Variants in TMPRSS11D observed in about 807,000 individuals in gnomAD.
The protein encoded by TMPRSS11D is transmembrane serine protease 11D.
Under a neutral mutation model 44.4 loss-of-function variants are expected in TMPRSS11D, and 32 were observed. The observed-to-expected ratio is 0.72, with a 90% CI of 0.54 to 0.97. The LOEUF is 0.97. Ranked by LOEUF, TMPRSS11D falls within the 50% of genes least tolerant of loss-of-function variation. The pLI is 0.00. For synonymous variants in TMPRSS11D, 179 were observed against 177.9 expected (o/e 1.01, Z -0.05); for missense variants, 446 against 502.6 (o/e 0.89, Z 1.08).
chr4:67,836,969 T>C (rs544888882), intron 5 of TMPRSS11D, among the ~76,000 whole-genome samples: 1 of 152,264 alleles, frequency 6.6e-6, no homozygotes, highest in South Asian at 2.1e-4. Flanking sequence ...TTGCTAGATA[T>C]CCCAAGCACG....
At chr4:67,870,695 T>A (rs993649556) in intron 1 of TMPRSS11D, among the ~76,000 whole-genome samples, 1 of 150,856 alleles carries the variant, frequency 6.6e-6, no homozygotes, top group Non-Finnish European at 1.5e-5. Flanking sequence ...GCGCCTATAG[T>A]CCCAGCTACT....
chr4:67,841,849 AT>A (rs1718238629), intron 4 of TMPRSS11D, among the ~76,000 whole-genome samples: 1 of 152,088 alleles, frequency 6.6e-6, no homozygotes, highest in African/African-American at 2.4e-5. Context: ...ACAAGAATTA[AT>A]TTTCTTGTGA....
At chr4:67,826,236 C>A (rs1418476141) in intron 8 of TMPRSS11D, among the ~76,000 whole-genome samples, 1 of 152,018 alleles carries the variant, frequency 6.6e-6, no homozygotes, top group Non-Finnish European at 1.5e-5. Context: ...AAAAGAGAAA[C>A]CAGTCTAGTT....
At chr4:67,853,694 T>A (rs1230794992) in intron 3 of TMPRSS11D, among the ~76,000 whole-genome samples, 4 of 152,226 alleles carry the variant, frequency 2.6e-5, no homozygotes, top group Admixed American at 2.6e-4. Flanking sequence ...GTAAACCTGT[T>A]TTTTAACACC....
chr4:67,849,971 T>C (rs1036405476), intron 3 of TMPRSS11D, among the ~76,000 whole-genome samples: 2 of 152,206 alleles, frequency 1.3e-5, no homozygotes, highest in Admixed American at 1.3e-4. Flanking sequence ...AGAGTACTAT[T>C]CATGTATCAT....
At chr4:67,862,033 T>A (rs990829227) in intron 1 of TMPRSS11D, among the ~76,000 whole-genome samples, 1 of 152,168 alleles carries the variant, frequency 6.6e-6, no homozygotes, top group Non-Finnish European at 1.5e-5. Flanking sequence ...AGGGTCTTGG[T>A]CAGTTAGATT....
Position 67,828,594 on chromosome 4 carries a change from C to T in TMPRSS11D, c.693-1074G>A, listed in dbSNP as rs564324626. On this transcript the variant is annotated intron_variant, in intron 7 of 9. Transcript: ENST00000283916. ...GAAAAACTAAAGTTGAGCAAACTTT[C>T]TACTTGATGGATGCCAAAACTGTTT... is the stretch of plus-strand genomic sequence containing the variant. 2.0e-5 allele frequency among the ~76,000 whole-genome samples: 3 copies of T among 152,234 alleles called. No individual in the cohort carries two copies. The East Asian group carries it at 5.8e-4, about 29-fold the overall frequency.
chr4:67,869,515 C>T (rs1719005596), intron 1 of TMPRSS11D, among the ~76,000 whole-genome samples: 2 of 151,964 alleles, frequency 1.3e-5, no homozygotes, highest in Non-Finnish European at 2.9e-5. Context: ...TATTTATAAT[C>T]ATATGATCAT....
At position 67,821,441 on chromosome 4, in the gene TMPRSS11D, T is replaced by C. The variant is rs1717639729; in HGVS notation, c.*896A>G. 6.6e-6 allele frequency: 1 copy of C among 152,172 alleles called. No individual in the cohort carries two copies. Among genetic ancestry groups the C allele is most frequent in the Non-Finnish European group, 1.5e-5 (1 of 68,020 alleles). The allele number at this position is 152,172 out of a possible 1,614,324, so 9.4% of individuals were successfully genotyped here. Reference sequence around the variant, plus strand: ...TTGACGACCCTTTTACGCTCAAAAATATAACTGCCAGTGATAGGAAGTCTG... The same window carrying C: ...TTGACGACCCTTTTACGCTCAAAAACATAACTGCCAGTGATAGGAAGTCTG... On this transcript the variant is annotated 3_prime_UTR_variant, in exon 10 of 10. Coordinates refer to ENST00000283916, the MANE Select transcript of TMPRSS11D (RefSeq NM_004262.3).
chr4:67,846,884 A>G (rs772789632), intron 3 of TMPRSS11D, among the ~76,000 whole-genome samples: 7 of 147,012 alleles, frequency 4.8e-5, no homozygotes, highest in Non-Finnish European at 1.0e-4. Flanking sequence ...TCTTCTCTCT[A>G]TAGCATGAAT....
Position 67,825,778 on chromosome 4 carries a change from C to G in TMPRSS11D, c.1049G>C (p.Gly350Ala). The G allele has an allele frequency of 9.9e-6, 16 of 1,613,138 alleles. No homozygotes were observed. Among genetic ancestry groups the G allele is most frequent in the Non-Finnish European group, 1.4e-5 (16 of 1,179,472 alleles). The change falls in exon 9 of 10, where the codon GGA becomes GCA. Residue 350 changes from glycine (G) to alanine (A), a missense_variant. By Grantham distance (60) the Gly-to-Ala change is moderately conservative (BLOSUM62 0). Coordinates refer to ENST00000283916, the MANE Select transcript of TMPRSS11D (RefSeq NM_004262.3). ...TTGAGGTACTCCAGCACACAGCATTCCAGACAAGATGGCTCCATTATAACT... is the reference window on the plus strand; with the variant it reads ...TTGAGGTACTCCAGCACACAGCATTGCAGACAAGATGGCTCCATTATAACT... ...PHSYNGAILS[G>A]MLCAGVPQGG... is the part of the protein sequence containing the mutation.
chr4:67,833,444 G>A (rs1717997228), intron 6 of TMPRSS11D, 63 bp from the exon 7 acceptor site: 1 of 1,330,802 alleles, frequency 7.5e-7, no homozygotes, highest in Non-Finnish European at 9.8e-7. Flanking sequence ...GGAAGAAGCT[G>A]AAGAGTCTTT....
intron 2 of TMPRSS11D, among the ~76,000 whole-genome samples, chr4:67,854,654 T>A (rs934103013): frequency 6.6e-6 from 1 of 152,198 alleles, no homozygotes; most frequent in African/African-American, 2.4e-5. Flanking sequence ...AGCTAGAAAG[T>A]AAGTCATCTG....
intron 1 of TMPRSS11D, among the ~76,000 whole-genome samples, chr4:67,877,920 A>G (rs1719231892): frequency 6.6e-6 from 1 of 152,214 alleles, no homozygotes; most frequent in Non-Finnish European, 1.5e-5. Flanking sequence ...TGAAGCTAGA[A>G]TCATCTTTTA....
At chr4:67,838,897 G>T (rs1173126353) in intron 4 of TMPRSS11D, 1 of 152,054 alleles carries the variant, frequency 6.6e-6, no homozygotes, top group Non-Finnish European at 1.5e-5. Flanking sequence ...CGTATATTAA[G>T]ATTTCATCAC....
chr4:67,867,477 A>G (rs186318788), intron 1 of TMPRSS11D, among the ~76,000 whole-genome samples: 169 of 152,294 alleles, frequency 1.1e-3, no homozygotes, highest in African/African-American at 3.9e-3. Flanking sequence ...AAATAGACAA[A>G]TGATACTTAC....
At chr4:67,833,971 C>T (rs757858660) in intron 6 of TMPRSS11D, among the ~76,000 whole-genome samples, 3 of 152,178 alleles carry the variant, frequency 2.0e-5, no homozygotes, top group African/African-American at 4.8e-5. Flanking sequence ...TATTACCAAA[C>T]ATGCCCTCAT....
intron 1 of TMPRSS11D, among the ~76,000 whole-genome samples, chr4:67,867,415 C>A (rs899952459): frequency 2.6e-5 from 4 of 151,818 alleles, no homozygotes; most frequent in Admixed American, 2.6e-4. Context: ...TGGACATTAA[C>A]CTAGGCAAAG....
chr4:67,861,467 G>C (rs902436977), intron 1 of TMPRSS11D, among the ~76,000 whole-genome samples: 2 of 152,070 alleles, frequency 1.3e-5, no homozygotes, highest in African/African-American at 2.4e-5. Flanking sequence ...AACTCCAAAG[G>C]CTAAAGAAAT....
Sources: allele counts gnomAD v4.1 joint callset (sites outside exome capture counted in the v4.1 genomes callset), GRCh38; gene constraint gnomAD v4.1.1; transcripts MANE v1.5; gene names NCBI Gene and HGNC (gene_info 2026-07-23, HGNC 2026-07-21).